Variants in KCNMA1 observed in about 807,000 individuals in gnomAD.
KCNMA1 encodes potassium calcium-activated channel subfamily M alpha 1, also known as Calcium-activated potassium channel subunit alpha-1.
In KCNMA1, 29 loss-of-function variants were observed where a neutral mutation model predicts 140.0. That is an observed-to-expected ratio of 0.21 (90% CI 0.15 to 0.28). KCNMA1 has a LOEUF of 0.28. Among genes scored for constraint, KCNMA1 ranks in the 10% least tolerant of loss-of-function variants. KCNMA1 has a pLI of 1.00. For missense variants in KCNMA1, 880 were observed against 1,602.2 expected, an observed-to-expected ratio of 0.55 and a Z score of 7.70; for synonymous variants, 612 against 611.9, an observed-to-expected ratio of 1.00 and a Z score of 0.00.
intron 3 of KCNMA1, among the ~76,000 whole-genome samples, chr10:77,242,115 C>T (rs1426978809): frequency 6.6e-6 from 1 of 152,104 alleles, no homozygotes; most frequent in African/African-American, 2.4e-5. Context: ...GTAACAAGAC[C>T]CCTGCAAAGC....
At chr10:77,286,484 G>A (rs1389219337) in intron 2 of KCNMA1, among the ~76,000 whole-genome samples, 1 of 152,158 alleles carries the variant, frequency 6.6e-6, no homozygotes, top group East Asian at 1.9e-4. Context: ...TATGCCCCTG[G>A]TAATACCCAT....
chr10:76,872,935 T>C (rs2031645186), downstream of KCNMA1: 1 of 152,186 alleles, frequency 6.6e-6, no homozygotes, highest in African/African-American at 2.4e-5. Flanking sequence ...AAGTTTGGCT[T>C]ATCTTTAGAT....
intron 6 of KCNMA1, among the ~76,000 whole-genome samples, 194 bp from the exon 7 acceptor site, chr10:77,112,636 C>T (rs2097352796): frequency 6.6e-6 from 1 of 152,140 alleles, no homozygotes; most frequent in African/African-American, 2.4e-5. Context: ...CCTAGAGGAA[C>T]AAATTTAACT....
intron 24 of KCNMA1, chr10:76,914,189 A>G (rs2051657922): frequency 7.7e-7 from 1 of 1,294,674 alleles, no homozygotes; most frequent in South Asian, 1.3e-5. Context: ...AGGAAAGTAC[A>G]GAAAAAGAAG....
chr10:77,371,748 G>A (rs745857468), intron 2 of KCNMA1, among the ~76,000 whole-genome samples: 1 of 152,116 alleles, frequency 6.6e-6, no homozygotes, highest in Non-Finnish European at 1.5e-5. Flanking sequence ...CTCAAGATGT[G>A]TCACCACATG....
At chr10:77,541,455 A>C (rs2060162934) in intron 1 of KCNMA1, among the ~76,000 whole-genome samples, 1 of 152,182 alleles carries the variant, frequency 6.6e-6, no homozygotes, top group Non-Finnish European at 1.5e-5. Flanking sequence ...ATTTTGCATG[A>C]GACTGTGAAA....
At chr10:77,294,081 T>C (rs1344994916) in intron 2 of KCNMA1, among the ~76,000 whole-genome samples, 1 of 152,268 alleles carries the variant, frequency 6.6e-6, no homozygotes, top group Non-Finnish European at 1.5e-5. Flanking sequence ...GTCTCGACAC[T>C]GTCTAGCTCC....
chr10:77,013,626 C>T (rs1318526604), intron 17 of KCNMA1, among the ~76,000 whole-genome samples: 4 of 152,212 alleles, frequency 2.6e-5, no homozygotes, highest in African/African-American at 9.6e-5. Flanking sequence ...ATGATAATAA[C>T]GGTAACAATC....
At position 77,039,850 on chromosome 10, in the gene KCNMA1, G is replaced by A. The variant is rs147626060; in HGVS notation, c.1750-213C>T. 7.4e-3 allele frequency among the ~76,000 whole-genome samples: 988 copies of A among 132,910 alleles called. 17 individuals are homozygous for A. Among genetic ancestry groups the A allele is most frequent in the African/African-American group, 0.026 (931 of 35,880 alleles). 87.2% of individuals were successfully genotyped at this position (132,910 alleles called of 152,430 possible). ...GCCCTCTAAAACACTTTTTTAACCT[G>A]TGTGATTTCTTTCCTTTTTCTTTTT... On this transcript the variant is annotated intron_variant, in intron 14 of 27. Transcript: ENST00000286628.
chr10:77,456,544 C>T (rs530311990), intron 1 of KCNMA1, among the ~76,000 whole-genome samples: 32 of 152,296 alleles, frequency 2.1e-4, no homozygotes, highest in African/African-American at 7.0e-4. Flanking sequence ...AGTGCCATAT[C>T]CCCGGCAGTT....
At chr10:77,569,705 G>T (rs1442348360) in intron 1 of KCNMA1, among the ~76,000 whole-genome samples, 3 of 152,164 alleles carry the variant, frequency 2.0e-5, no homozygotes, top group African/African-American at 7.2e-5. Flanking sequence ...AACACCAAAA[G>T]CAATAGCAAC....
At chr10:76,878,758 C>T (rs755968077) in intron 29 of KCNMA1, among the ~76,000 whole-genome samples, 1 of 152,020 alleles carries the variant, frequency 6.6e-6, no homozygotes, top group Non-Finnish European at 1.5e-5. Flanking sequence ...TGAAAATGGT[C>T]TAGCATCCTC....
chr10:77,307,697 C>T (rs189498287), intron 2 of KCNMA1, among the ~76,000 whole-genome samples: 4 of 152,258 alleles, frequency 2.6e-5, no homozygotes, highest in East Asian at 1.9e-4. Context: ...CAGGCGCGCA[C>T]CACCACGCCC....
At position 77,376,350 on chromosome 10, in the gene KCNMA1, GA is replaced by G. The variant is rs1281555212; in HGVS notation, c.540+27511del. On this transcript the variant is annotated intron_variant, in intron 2 of 27. Transcript: ENST00000286628. The stretch of plus-strand genomic sequence containing the variant: ...TCCCGGGAGAATAGGTCCTGGGGGA[GA>G]GGGGGAGATAACAATGGAACACACC... 4.6e-5 allele frequency: 7 copies of G among 152,190 alleles called. No homozygotes were observed. The East Asian group carries it at 9.6e-4, about 21-fold the overall frequency. The allele number at this position is 152,190 out of a possible 1,614,324, so 9.4% of individuals were successfully genotyped here.
intron 2 of KCNMA1, among the ~76,000 whole-genome samples, chr10:77,290,481 T>G (rs2154309314): frequency 6.6e-6 from 1 of 152,314 alleles, no homozygotes; most frequent in African/African-American, 2.4e-5. Context: ...GCCAGTGCCC[T>G]TCGTACTCCA....
chr10:77,463,766 G>A (rs2097922291), intron 1 of KCNMA1, among the ~76,000 whole-genome samples: 1 of 152,120 alleles, frequency 6.6e-6, no homozygotes, highest in African/African-American at 2.4e-5. Context: ...GGCTGGGGAA[G>A]CATAGGGGGT....
chr10:77,572,605 A>ATATATATATATATAT (rs2072036710), intron 1 of KCNMA1, among the ~76,000 whole-genome samples: 1 of 41,852 alleles, frequency 2.4e-5, no homozygotes, highest in Non-Finnish European at 4.7e-5. Flanking sequence ...TATATATATA[A>ATATATATATATATAT]ATTAGCTGGG....
At chr10:77,591,047 G>C (rs1017122272) in intron 1 of KCNMA1, among the ~76,000 whole-genome samples, 1 of 152,168 alleles carries the variant, frequency 6.6e-6, no homozygotes, top group Non-Finnish European at 1.5e-5. Flanking sequence ...CAGACAGCGA[G>C]CAAGGCCCAG....
chr10:77,124,739 A>G (rs1208940907), intron 5 of KCNMA1, among the ~76,000 whole-genome samples: 1 of 152,182 alleles, frequency 6.6e-6, no homozygotes, highest in Non-Finnish European at 1.5e-5. Context: ...AAGTCAGTCT[A>G]CATTTCATCC....
Sources: gnomAD v4.1 joint callset for allele counts (sites outside exome capture counted in the v4.1 genomes callset) on GRCh38, gnomAD v4.1.1 for gene constraint, MANE v1.5 for transcripts, NCBI Gene and HGNC (gene_info 2026-07-23, HGNC 2026-07-21) for gene names.